Variants in PTPN4 observed in about 807,000 individuals in gnomAD.
The protein encoded by PTPN4 is protein tyrosine phosphatase non-receptor type 4, also known as tyrosine-protein phosphatase non-receptor type 4.
A neutral mutation model predicts 135.5 loss-of-function variants in PTPN4; 49 were observed. The ratio of observed to expected loss-of-function variants is 0.36; its 90% CI spans 0.29 to 0.46. PTPN4 has a LOEUF of 0.46. PTPN4 is among the 20% of genes least tolerant of loss of function. PTPN4 has a pLI of 1.00. For synonymous variants in PTPN4, 333 were observed against 369.9 expected (o/e 0.90, Z 1.14); for missense variants, 860 against 1,101.0 (o/e 0.78, Z 3.10).
At chr2:119,823,468 C>T (rs914455058) in intron 2 of PTPN4, among the ~76,000 whole-genome samples, 1 of 152,142 alleles carries the variant, frequency 6.6e-6, no homozygotes, top group African/African-American at 2.4e-5. Flanking sequence ...CTCCTGACCT[C>T]GTGATCCACC....
intron 2 of PTPN4, among the ~76,000 whole-genome samples, chr2:119,814,040 G>A (rs1676948040): frequency 6.6e-6 from 1 of 152,052 alleles, no homozygotes; most frequent in Non-Finnish European, 1.5e-5. Context: ...GTGTATGTGT[G>A]ACACACACAC....
chr2:119,849,024 G>T (rs1337165414), intron 2 of PTPN4, among the ~76,000 whole-genome samples: 3 of 152,002 alleles, frequency 2.0e-5, no homozygotes, highest in African/African-American at 7.3e-5. Context: ...TTCATGACAG[G>T]TATTTTTGTG....
At chr2:119,902,936 A>G (rs538826519) in intron 10 of PTPN4, among the ~76,000 whole-genome samples, 1 of 152,224 alleles carries the variant, frequency 6.6e-6, no homozygotes, top group African/African-American at 2.4e-5. Context: ...ACACAATGCC[A>G]TTTTGAGAGC....
chr2:119,945,483 A>G (rs1679119144), intron 16 of PTPN4, among the ~76,000 whole-genome samples: 2 of 152,182 alleles, frequency 1.3e-5, no homozygotes, highest in Admixed American at 6.5e-5. Flanking sequence ...GAAGATTCCT[A>G]TAAGAGATCA....
intron 15 of PTPN4, 116 bp from the exon 16 acceptor site, chr2:119,944,965 A>G: frequency 1.1e-6 from 1 of 878,262 alleles, no homozygotes; most frequent in Non-Finnish European, 1.6e-6. Context: ...TGGCACTTCC[A>G]AATAAATATG....
Position 119,978,209 on chromosome 2 carries a change from C to T in PTPN4, c.*1139C>T, listed in dbSNP as rs1424954687. On this transcript the variant is annotated 3_prime_UTR_variant, in exon 27 of 27. Transcript: ENST00000263708. The stretch of plus-strand genomic sequence containing the variant: ...TAACTTTAGGAAGACATCTAACATG[C>T]AGATTAATGTTAAACATATTGATAA... The T allele has an allele frequency of 6.6e-6, 1 of 152,084 alleles. No homozygotes were observed. The highest frequency in any genetic ancestry group is 2.4e-5 in the African/African-American group (1 of 41,420). 9.4% of individuals were successfully genotyped at this position (152,084 alleles called of 1,614,324 possible). A position where few individuals can be genotyped will look rare whatever the true frequency, so the allele number is the denominator to read the frequency against.
Position 119,955,307 on chromosome 2 carries a change from T to A in PTPN4, c.1964T>A (p.Val655Asp), listed in dbSNP as rs1290854773. The A allele has an allele frequency of 1.3e-6, 2 of 1,589,878 alleles. No homozygotes were observed. The highest frequency in any genetic ancestry group is 1.7e-6 in the Non-Finnish European group (2 of 1,172,118). Residue 655 changes from valine to aspartate, a missense_variant, in exon 20 of 27, where the codon GTC becomes GAC. Coordinates refer to ENST00000263708, the MANE Select transcript of PTPN4 (RefSeq NM_002830.4). ...GCTGAGGGGCTTATCACTGGAACAG[T>A]CCTGACACAGTTTGATGTAAGTAAT... ...QLAEGLITGTVLTQFDQLYRK... is the reference protein window; with the variant it reads ...QLAEGLITGTDLTQFDQLYRK...
At position 119,952,140 on chromosome 2, in the gene PTPN4, T is replaced by C. The variant is rs772439030; in HGVS notation, c.1813+11T>C. 6.2e-7 allele frequency: 1 copy of C among 1,601,610 alleles called. No individual in the cohort carries two copies. On this transcript the variant is annotated intron_variant, in intron 19 of 26. Transcript: ENST00000263708. ...TAGTTCGACCTAATGGTGAGTACTCTATGTAGTACCAGATAATTTATAGTA... is the reference window on the plus strand; with the variant it reads ...TAGTTCGACCTAATGGTGAGTACTCCATGTAGTACCAGATAATTTATAGTA...
chr2:119,864,743 A>G (rs115328983), intron 3 of PTPN4, among the ~76,000 whole-genome samples: 3,154 of 152,294 alleles, frequency 0.021, 57 homozygotes, highest in Non-Finnish European at 0.033. Flanking sequence ...AGGGCTAATT[A>G]CACCAGAATG....
intron 1 of PTPN4, among the ~76,000 whole-genome samples, chr2:119,766,561 G>A (rs1690635345): frequency 6.6e-6 from 1 of 151,872 alleles, no homozygotes; most frequent in Admixed American, 6.6e-5. Flanking sequence ...CATGCATTTA[G>A]TCTGCCTCTT....
At chr2:119,863,689 A>G (rs1294233914) in intron 3 of PTPN4, among the ~76,000 whole-genome samples, 2 of 152,132 alleles carry the variant, frequency 1.3e-5, no homozygotes, top group East Asian at 3.8e-4. Context: ...CTGATTTTGT[A>G]TTACAAACCA....
In PTPN4 at chr2:119,809,965, A is replaced by G. The variant is rs1691549703; in HGVS notation, c.112A>G (p.Asn38Asp). The G allele has an allele frequency of 6.2e-7, 1 of 1,612,082 alleles. No individual in the cohort carries two copies. Among genetic ancestry groups the G allele is most frequent in the South Asian group, 1.1e-5 (1 of 90,524 alleles). Residue 38 changes from asparagine (N) to aspartate (D), a missense_variant, in exon 2 of 27, where the codon AAC (asparagine) becomes GAC (aspartate). Asn to Asp is a conservative substitution (Grantham distance 23). Coordinates refer to ENST00000263708, the MANE Select transcript of PTPN4 (RefSeq NM_002830.4). ...GGTTTGCAACATCCTTCTTCTGGAT[A>G]ACACTGTACAAGCTTTCAAAGTCAA... ...EVVCNILLLDNTVQAFKVNKH... is the reference protein window; with the variant it reads ...EVVCNILLLDDTVQAFKVNKH...
At position 119,914,248 on chromosome 2, in the gene PTPN4, ATTTTTTTTTT is replaced by A. The variant is rs55911315; in HGVS notation, c.765-912_765-903del. Among the ~76,000 whole-genome samples the A allele has an allele frequency of 1.8e-3, 177 of 97,426 alleles. 2 individuals are homozygous for A. The highest frequency in any genetic ancestry group is 3.7e-3 in the South Asian group (13 of 3,524). 63.9% of individuals were successfully genotyped at this position (97,426 alleles called of 152,430 possible). On this transcript the variant is annotated intron_variant, in intron 10 of 26. Transcript: ENST00000263708. ...CATAAATACAGTCAATAGTTACTCA[ATTTTTTTTTT>A]TTTTTTTTTTTTTTTTTTGCTTCTG...
intron 1 of PTPN4, among the ~76,000 whole-genome samples, chr2:119,790,007 T>A (rs1414939393): frequency 6.6e-6 from 1 of 152,086 alleles, no homozygotes; most frequent in Non-Finnish European, 1.5e-5. Context: ...GGATTACAGG[T>A]GTGAGCCACT....
At position 119,829,715 on chromosome 2, in the gene PTPN4, C is replaced by T. The variant is rs75463555; in HGVS notation, c.138+19724C>T. ...GTATACCACATTTTGTTTACTCATT[C>T]ATCTGCTGACAGGCACTTGGGTTGT... On this transcript the variant is annotated intron_variant, in intron 2 of 26. Coordinates refer to ENST00000263708, the MANE Select transcript of PTPN4 (RefSeq NM_002830.4). Among the ~76,000 whole-genome samples, 326 of 152,206 alleles carry T rather than the reference C, an allele frequency of 2.1e-3. 2 individuals carry two copies. The highest frequency in any genetic ancestry group is 6.8e-3 in the African/African-American group (284 of 41,538).
intron 2 of PTPN4, among the ~76,000 whole-genome samples, chr2:119,813,270 G>A (rs868472420): frequency 2.6e-4 from 39 of 149,326 alleles, no homozygotes; most frequent in African/African-American, 8.5e-4. Flanking sequence ...TTTTTGAGAC[G>A]GAGTTTCGCT....
intron 10 of PTPN4, among the ~76,000 whole-genome samples, chr2:119,913,065 TC>T (rs1678597202): frequency 6.6e-6 from 1 of 152,188 alleles, no homozygotes; most frequent in East Asian, 1.9e-4. Flanking sequence ...AGTTTTGCTT[TC>T]CCCTTTATTG....
intron 2 of PTPN4, among the ~76,000 whole-genome samples, chr2:119,858,836 A>C (rs1411305801): frequency 6.6e-6 from 1 of 151,924 alleles, no homozygotes; most frequent in Non-Finnish European, 1.5e-5. Flanking sequence ...AGGTTTCACC[A>C]TATTAGCCAG....
At chr2:119,904,386 C>G (rs751663600) in intron 10 of PTPN4, among the ~76,000 whole-genome samples, 2 of 151,946 alleles carry the variant, frequency 1.3e-5, no homozygotes, top group Non-Finnish European at 2.9e-5. Flanking sequence ...GCTAAAAAAG[C>G]CTGAATGACA....
Sources: allele counts gnomAD v4.1 joint callset (sites outside exome capture counted in the v4.1 genomes callset), GRCh38; gene constraint gnomAD v4.1.1; transcripts MANE v1.5; gene names NCBI Gene and HGNC (gene_info 2026-07-23, HGNC 2026-07-21).